Variants in PSORS1C1 observed in about 807,000 individuals in gnomAD.
The protein encoded by PSORS1C1 is psoriasis susceptibility 1 candidate 1.
PSORS1C1 carries 7 observed loss-of-function variants against 9.4 expected under a neutral mutation model. The ratio of observed to expected loss-of-function variants is 0.75; its 90% CI spans 0.42 to 1.40. The LOEUF (loss-of-function observed/expected upper bound fraction) is 1.40. Ranked by LOEUF, PSORS1C1 falls within the 40% of genes most tolerant of loss-of-function variation. The pLI, the probability that PSORS1C1 is intolerant of heterozygous loss-of-function variation, is 0.01. For missense variants in PSORS1C1, 146 were observed against 178.1 expected (o/e 0.82, Z 1.02); for synonymous variants, 63 against 69.4 (o/e 0.91, Z 0.46).
rs969609230 is a variant in PSORS1C1, at chr6:31,128,352, G to A, written c.-64-1217G>A. ...CTACCTTGGCTCTCAGCATTGCACG[G>A]GAGTTTAGAGGTTATTAAAGAAATC... On this transcript the variant is annotated intron_variant, in intron 2 of 5. Coordinates refer to ENST00000259881, the MANE Select transcript of PSORS1C1 (RefSeq NM_014068.3). The surrounding 1 kb of genome is among the most constrained non-coding windows in gnomAD (Gnocchi z 4.3). Among the ~76,000 whole-genome samples the A allele has an allele frequency of 1.3e-5, 2 of 152,148 alleles. No homozygotes were observed. The highest frequency in any genetic ancestry group is 4.8e-5 in the African/African-American group (2 of 41,440).
chr6:31,116,791 T>C (rs1562751779), intron 1 of PSORS1C1: 1 of 1,613,666 alleles, frequency 6.2e-7, no homozygotes, highest in Admixed American at 1.7e-5. Flanking sequence ...AAGGCCACCA[T>C]TGCTACAGGG....
intron 4 of PSORS1C1, 78 bp downstream of exon 4, chr6:31,138,537 C>A: frequency 6.2e-7 from 1 of 1,604,390 alleles, no homozygotes; most frequent in Non-Finnish European, 8.5e-7. Flanking sequence ...TTCACTTGAC[C>A]CACTTTAAAC....
In PSORS1C1 at chr6:31,139,881, G is replaced by A; in HGVS notation, c.408G>A (p.Leu136=). The change falls in exon 6 of 6, where the codon TTG becomes TTA. Residue 136 remains leucine (L), a synonymous_variant. Coordinates refer to ENST00000259881, the MANE Select transcript of PSORS1C1 (RefSeq NM_014068.3). The surrounding 1 kb of genome is among the most constrained non-coding windows in gnomAD (Gnocchi z 5.2). ...SASRTLAPTL[L]YSSPPSHSPF... ...CTAGGACCTTGGCTCCAACTCTATT[G>A]TACTCGTCTCCTCCCTCCCATTCTC... 1 of 1,612,958 alleles carries A rather than the reference G, an allele frequency of 6.2e-7. No homozygotes were observed.
chr6:31,134,519 A>C (rs544420169), intron 3 of PSORS1C1, among the ~76,000 whole-genome samples: 124 of 151,576 alleles, frequency 8.2e-4, no homozygotes, highest in Non-Finnish European at 1.5e-3. Context: ...GTTAGCCAGG[A>C]TGGTCTCGAT....
At chr6:31,119,980 G>T (rs910960303) in intron 1 of PSORS1C1, among the ~76,000 whole-genome samples, 1 of 152,010 alleles carries the variant, frequency 6.6e-6, no homozygotes, top group African/African-American at 2.4e-5. Flanking sequence ...ATATAAAAAG[G>T]CTCTAAAAAT....
Position 31,114,812 on chromosome 6 carries a change from C to G in PSORS1C1, c.-308C>G, listed in dbSNP as rs1772013876. The G allele has an allele frequency of 4.4e-6, 2 of 454,596 alleles. No homozygotes were observed. The highest frequency in any genetic ancestry group is 3.1e-5 in the South Asian group (2 of 64,214). 28.2% of individuals were successfully genotyped at this position (454,596 alleles called of 1,614,324 possible). A position where few individuals can be genotyped will look rare whatever the true frequency, so the allele number is the denominator to read the frequency against. On this transcript the variant is annotated 5_prime_UTR_variant, in exon 1 of 6. Coordinates refer to ENST00000259881, the MANE Select transcript of PSORS1C1 (RefSeq NM_014068.3). ...GAATCTGGTTGGAGTTGTTGTGTCC[C>G]AGCCTTCCCAAGCTTCCAGGTGTCC...
chr6:31,130,357 A>T (rs3131006), intron 3 of PSORS1C1, among the ~76,000 whole-genome samples: 20,267 of 150,422 alleles, frequency 0.13, 1,763 homozygotes, highest in Non-Finnish European at 0.2. Flanking sequence ...TGCTCAGGTG[A>T]TCTTCCTGCT....
At chr6:31,117,343 C>A in intron 1 of PSORS1C1, 1 of 1,577,938 alleles carries the variant, frequency 6.3e-7, no homozygotes, top group Non-Finnish European at 8.6e-7. Flanking sequence ...TCCGCTGGAG[C>A]TACCACTGGA....
Position 31,139,654 on chromosome 6 carries a change from C to T in PSORS1C1, c.181C>T (p.Leu61Phe), listed in dbSNP as rs1773346368. 1 of 1,611,980 alleles carries T rather than the reference C, an allele frequency of 6.2e-7. No homozygotes were observed. Among genetic ancestry groups the T allele is most frequent in the South Asian group, 1.1e-5 (1 of 91,078 alleles). The stretch of plus-strand genomic sequence containing the variant: ...GTCCTTCTTCAGGCATGCAGGGGAC[C>T]TCCAAGCAATGATATCCAAGGAATT... ...PANHFWHAGDLQAMISKEFHL... is the reference protein window; with the variant it reads ...PANHFWHAGDFQAMISKEFHL... The change falls in exon 6 of 6, where the codon CTC becomes TTC. Residue 61 changes from leucine (L) to phenylalanine (F), a missense_variant. Physicochemically the swap from Leu to Phe is conservative, Grantham distance 22 (BLOSUM62 0). Transcript: ENST00000259881. The surrounding 1 kb of genome is among the most constrained non-coding windows in gnomAD (Gnocchi z 5.2).
intron 1 of PSORS1C1, chr6:31,120,264 C>T: frequency 1.7e-6 from 2 of 1,207,068 alleles, no homozygotes; most frequent in Non-Finnish European, 2.4e-6. Flanking sequence ...CCTGCCTGTC[C>T]CCTTCGCTGG....
At chr6:31,121,763 G>T (rs371322918) in intron 1 of PSORS1C1, among the ~76,000 whole-genome samples, 2 of 152,174 alleles carry the variant, frequency 1.3e-5, no homozygotes, top group Non-Finnish European at 2.9e-5. Flanking sequence ...CCTCCTGACC[G>T]CCCTTTAAGT....
At chr6:31,136,093 A>C (rs1773126815) in intron 3 of PSORS1C1, among the ~76,000 whole-genome samples, 1 of 151,564 alleles carries the variant, frequency 6.6e-6, no homozygotes, top group Non-Finnish European at 1.5e-5. Flanking sequence ...ACTTATTGAA[A>C]ATGCATCTCT....
intron 1 of PSORS1C1, 73 bp downstream of exon 1, chr6:31,114,964 T>C: frequency 2.2e-6 from 1 of 445,532 alleles, no homozygotes; most frequent in Non-Finnish European, 4.5e-6. Context: ...GAGGAAACAC[T>C]GAGGGCCCTA....
intron 2 of PSORS1C1, among the ~76,000 whole-genome samples, chr6:31,127,029 C>T (rs1182934761): frequency 6.6e-6 from 1 of 152,166 alleles, no homozygotes; most frequent in East Asian, 1.9e-4. Flanking sequence ...TCATTATGTG[C>T]ACCTGTTAAA....
Position 31,118,837 on chromosome 6 carries a change from C to CTTTTTTTTTTTTTTTTTTTTT in PSORS1C1, c.-229+3948_-229+3949insTTTTTTTTTTTTTTTTTTTTT, listed in dbSNP as rs201665595. 7 of 92,490 alleles carry CTTTTTTTTTTTTTTTTTTTTT rather than the reference C, an allele frequency of 7.6e-5. 3 individuals carry two copies. Among genetic ancestry groups the CTTTTTTTTTTTTTTTTTTTTT allele is most frequent in the African/African-American group, 1.4e-4 (3 of 22,042 alleles). 5.7% of individuals were successfully genotyped at this position (92,490 alleles called of 1,614,324 possible). A position where few individuals can be genotyped will look rare whatever the true frequency, so the allele number is the denominator to read the frequency against. On this transcript the variant is annotated intron_variant, in intron 1 of 5. Transcript: ENST00000259881. ...ATCATCCACCTGGAAGTTTTTTCTT[C>CTTTTTTTTTTTTTTTTTTTTT]TTCTTCTTTTTTTTTTTTTTTTTTG...
At position 31,139,887 on chromosome 6, in the gene PSORS1C1, G is replaced by C; in HGVS notation, c.414G>C (p.Ser138=). The change falls in exon 6 of 6, where the codon TCG becomes TCC. Residue 138 remains serine (S), a synonymous_variant. Coordinates refer to ENST00000259881, the MANE Select transcript of PSORS1C1 (RefSeq NM_014068.3). The surrounding 1 kb of genome is among the most constrained non-coding windows in gnomAD (Gnocchi z 5.2). ...CCTTGGCTCCAACTCTATTGTACTC[G>C]TCTCCTCCCTCCCATTCTCCTTTTG... ...SRTLAPTLLY[S]SPPSHSPFGL... is the part of the protein sequence containing the mutation. The C allele has an allele frequency of 6.2e-7, 1 of 1,612,856 alleles. No homozygotes were observed.
Position 31,115,936 on chromosome 6 carries a change from T to C in PSORS1C1, c.-229+1045T>C, listed in dbSNP as rs1453097123. 1 of 1,194,474 alleles carries C rather than the reference T, an allele frequency of 8.4e-7. No individual in the cohort carries two copies. The highest frequency in any genetic ancestry group is 1.2e-6 in the Non-Finnish European group (1 of 806,666). The allele number at this position is 1,194,474 out of a possible 1,614,324, so 74.0% of individuals were successfully genotyped here. On this transcript the variant is annotated intron_variant, in intron 1 of 5. Coordinates refer to ENST00000259881, the MANE Select transcript of PSORS1C1 (RefSeq NM_014068.3). The surrounding 1 kb of genome is among the most constrained non-coding windows in gnomAD (Gnocchi z 4.2). ...GGAAGGAGGGAAACTGAGCTAACCC[T>C]ATGCCTGGGCACTGGACTTCTCCCA...
chr6:31,116,054 G>T (rs1772093994), intron 1 of PSORS1C1: 2 of 1,612,178 alleles, frequency 1.2e-6, no homozygotes, highest in Non-Finnish European at 8.5e-7. Context: ...TCTCCTTGGG[G>T]TAGGAAAACT....
Position 31,128,745 on chromosome 6 carries a change from T to C in PSORS1C1, c.-64-824T>C, listed in dbSNP as rs1170462892. Reference sequence around the variant, plus strand: ...TTTATACCAAAGCGAGTCTTGGGTCTAATAATTTTGAAACATGAAATTGGC... The same window carrying C: ...TTTATACCAAAGCGAGTCTTGGGTCCAATAATTTTGAAACATGAAATTGGC... On this transcript the variant is annotated intron_variant, in intron 2 of 5. Transcript: ENST00000259881. The surrounding 1 kb of genome is among the most constrained non-coding windows in gnomAD (Gnocchi z 4.3). 1.3e-5 allele frequency among the ~76,000 whole-genome samples: 2 copies of C among 152,230 alleles called. No individual in the cohort carries two copies. The highest frequency in any genetic ancestry group is 2.9e-5 in the Non-Finnish European group (2 of 68,040).
Sources: gnomAD v4.1 joint callset for allele counts (sites outside exome capture counted in the v4.1 genomes callset) on GRCh38, gnomAD v4.1.1 for gene constraint, Gnocchi (gnomAD v3.1) non-coding constraint, MANE v1.5 for transcripts, NCBI Gene and HGNC (gene_info 2026-07-23, HGNC 2026-07-21) for gene names.